Variants in HIP1 observed in about 807,000 individuals in gnomAD.
The protein encoded by HIP1 is huntingtin interacting protein 1, also known as huntingtin-interacting protein 1.
In HIP1, 65 loss-of-function variants were observed where a neutral mutation model predicts 147.6. The ratio of observed to expected loss-of-function variants is 0.44; its 90% CI spans 0.36 to 0.54. The LOEUF (loss-of-function observed/expected upper bound fraction) is 0.54. Ranked by LOEUF, HIP1 falls within the 20% of genes least tolerant of loss-of-function variation. The pLI is 0.00. For missense variants in HIP1, 1,061 were observed against 1,299.6 expected (o/e 0.82, Z 2.82); for synonymous variants, 479 against 504.0 (o/e 0.95, Z 0.67).
At chr7:75,541,501 A>G (rs1794312465) in intron 29 of HIP1, among the ~76,000 whole-genome samples, 2 of 151,500 alleles carry the variant, frequency 1.3e-5, no homozygotes, top group Non-Finnish European at 2.9e-5. Context: ...ACTGCACTCC[A>G]GCCTGGGCGA....
intron 1 of HIP1, among the ~76,000 whole-genome samples, chr7:75,688,997 G>C (rs74657748): frequency 0.022 from 3,274 of 152,210 alleles, 79 homozygotes; most frequent in East Asian, 0.14. Flanking sequence ...TCACCATGAT[G>C]TGAAAGCAAA....
chr7:75,696,594 C>T (rs1241880640), intron 1 of HIP1, among the ~76,000 whole-genome samples: 3 of 127,140 alleles, frequency 2.4e-5, no homozygotes, highest in African/African-American at 8.8e-5. Flanking sequence ...CCCCTTCCCT[C>T]CCCTCTGCTC....
intron 22 of HIP1, among the ~76,000 whole-genome samples, chr7:75,551,627 T>C (rs1242177667): frequency 6.6e-6 from 1 of 152,046 alleles, no homozygotes; most frequent in Non-Finnish European, 1.5e-5. Context: ...TGCAATTCAC[T>C]GCAGAGTACA....
In HIP1 at chr7:75,533,494, G is replaced by A. The variant is rs1584759175; in HGVS notation, c.*4678C>T. 8.6e-6 allele frequency: 2 copies of A among 232,166 alleles called. No individual in the cohort carries two copies. Among genetic ancestry groups the A allele is most frequent in the East Asian group, 1.2e-4 (2 of 16,448 alleles). 14.4% of individuals were successfully genotyped at this position (232,166 alleles called of 1,614,324 possible). ...TACCCTAATGGAAACCCAGGGGAAA[G>A]GTTAAAAACAGAAGAAAAACAAACC... On this transcript the variant is annotated 3_prime_UTR_variant, in exon 31 of 31. Transcript: ENST00000336926.
intron 7 of HIP1, among the ~76,000 whole-genome samples, chr7:75,578,163 C>T (rs587677210): frequency 3.9e-5 from 6 of 152,286 alleles, no homozygotes; most frequent in African/African-American, 1.2e-4. Flanking sequence ...CACGGTCTGT[C>T]AGGAACTGGA....
intron 1 of HIP1, among the ~76,000 whole-genome samples, chr7:75,657,519 T>A (rs1377235989): frequency 5.4e-5 from 8 of 147,100 alleles, no homozygotes; most frequent in Non-Finnish European, 1.0e-4. Flanking sequence ...GACAAGAGAC[T>A]TTGTCTCAAA....
chr7:75,653,055 G>A (rs1799044280), intron 1 of HIP1, among the ~76,000 whole-genome samples: 1 of 152,088 alleles, frequency 6.6e-6, no homozygotes, highest in Non-Finnish European at 1.5e-5. Flanking sequence ...ATATGTGGGT[G>A]TGTCAGTGAG....
chr7:75,685,636 A>C (rs1392686743), intron 1 of HIP1, among the ~76,000 whole-genome samples: 2 of 151,940 alleles, frequency 1.3e-5, no homozygotes, highest in Non-Finnish European at 2.9e-5. Flanking sequence ...GCAGCCTCCA[A>C]CTCCTGGGTT....
chr7:75,614,198 T>C (rs934351828), intron 1 of HIP1, among the ~76,000 whole-genome samples: 56 of 152,196 alleles, frequency 3.7e-4, no homozygotes, highest in African/African-American at 1.2e-3. Flanking sequence ...TATAGGCACA[T>C]GCCACCACAC....
At chr7:75,564,537 G>T (rs587750284) in intron 9 of HIP1, among the ~76,000 whole-genome samples, 3 of 151,908 alleles carry the variant, frequency 2.0e-5, no homozygotes, top group Non-Finnish European at 4.4e-5. Flanking sequence ...CAGGTGATCC[G>T]CCCGTCTCGG....
chr7:75,600,360 C>T (rs1796929856), intron 1 of HIP1, among the ~76,000 whole-genome samples: 1 of 152,202 alleles, frequency 6.6e-6, no homozygotes, highest in Non-Finnish European at 1.5e-5. Flanking sequence ...ATCCTCCCAC[C>T]TCTGCCTCCC....
intron 1 of HIP1, among the ~76,000 whole-genome samples, chr7:75,627,704 A>G (rs1447556006): frequency 6.6e-6 from 1 of 152,094 alleles, no homozygotes; most frequent in Non-Finnish European, 1.5e-5. Flanking sequence ...TGCCTCCCTT[A>G]CTGGAGATTT....
chr7:75,684,127 G>A (rs1800180320), intron 1 of HIP1, among the ~76,000 whole-genome samples: 1 of 151,816 alleles, frequency 6.6e-6, no homozygotes, highest in African/African-American at 2.4e-5. Flanking sequence ...GACATAGTGA[G>A]ACTCCATCTC....
In HIP1 at chr7:75,621,419, T is replaced by C. The variant is rs140464537; in HGVS notation, c.121-22172A>G. 5.9e-5 allele frequency among the ~76,000 whole-genome samples: 9 copies of C among 152,280 alleles called. No individual in the cohort carries two copies. In the East Asian group the frequency reaches 1.7e-3, roughly 29 times the overall value. ...AGACTGGGGCCACTGGAAGTGGTTT[T>C]GTTTTTTGCGGTTTTTGGTAAAGAC... is the stretch of plus-strand genomic sequence containing the variant. On this transcript the variant is annotated intron_variant, in intron 1 of 30. Transcript: ENST00000336926.
intron 1 of HIP1, among the ~76,000 whole-genome samples, chr7:75,690,372 C>T (rs781907361): frequency 6.6e-6 from 1 of 152,152 alleles, no homozygotes; most frequent in African/African-American, 2.4e-5. Context: ...AGACGCTTAA[C>T]ATCATTAGCT....
At chr7:75,543,508 C>T (rs1383193476) in intron 27 of HIP1, among the ~76,000 whole-genome samples, 1 of 152,110 alleles carries the variant, frequency 6.6e-6, no homozygotes, top group Non-Finnish European at 1.5e-5. Context: ...CCCGCCACCA[C>T]ACCCGGCTAA....
intron 1 of HIP1, among the ~76,000 whole-genome samples, chr7:75,675,892 G>A (rs1799871444): frequency 6.6e-6 from 1 of 152,064 alleles, no homozygotes; most frequent in Admixed American, 6.6e-5. Context: ...AAGGAAGGAG[G>A]ATCACTTAAT....
At chr7:75,616,973 A>G (rs1307123111) in intron 1 of HIP1, among the ~76,000 whole-genome samples, 2 of 151,562 alleles carry the variant, frequency 1.3e-5, no homozygotes, top group African/African-American at 2.4e-5. Context: ...TGGTGCAATC[A>G]TGGCTCATTG....
At chr7:75,706,473 C>CTTTTT (rs139655610) in intron 1 of HIP1, among the ~76,000 whole-genome samples, 1 of 138,098 alleles carries the variant, frequency 7.2e-6, no homozygotes, top group Non-Finnish European at 1.5e-5. Flanking sequence ...TATATATCTT[C>CTTTTT]TTTTTTTTTA....
Sources: allele counts gnomAD v4.1 joint callset (sites outside exome capture counted in the v4.1 genomes callset), GRCh38; gene constraint gnomAD v4.1.1; transcripts MANE v1.5; gene names NCBI Gene and HGNC (gene_info 2026-07-23, HGNC 2026-07-21).